The following VWA5B1 variants were observed in gnomAD, a reference collection of about 807,000 sequenced individuals.
VWA5B1 encodes von Willebrand factor A domain containing 5B1, also known as von Willebrand factor A domain-containing protein 5B1.
A neutral mutation model predicts 118.2 loss-of-function variants in VWA5B1; 115 were observed. The observed-to-expected ratio is 0.97, with a 90% CI of 0.84 to 1.14. The LOEUF is 1.14. VWA5B1 is among the 50% of genes most tolerant of loss of function. The pLI is 0.00. For missense variants in VWA5B1, 1,596 were observed against 1,603.8 expected (o/e 1.00, Z 0.08); for synonymous variants, 682 against 658.4 (o/e 1.04, Z -0.55).
intron 8 of VWA5B1, 110 bp downstream of exon 8, chr1:20,323,642 A>T: frequency 8.4e-7 from 1 of 1,186,168 alleles, no homozygotes; most frequent in Non-Finnish European, 1.1e-6. Flanking sequence ...CAACTTTTAA[A>T]AATCAGTTTA....
chr1:20,319,874 C>T (rs908986806), intron 7 of VWA5B1, among the ~76,000 whole-genome samples: 11 of 152,202 alleles, frequency 7.2e-5, no homozygotes, highest in African/African-American at 2.7e-4. Context: ...CCCTTACCCA[C>T]CAGCTGGGTA....
In VWA5B1 at chr1:20,350,887, T is replaced by C; in HGVS notation, c.2984T>C (p.Leu995Pro). The change falls in exon 20 of 22, where the codon CTT (leucine) becomes CCT (proline). Residue 995 changes from leucine to proline, a missense_variant. Transcript: ENST00000289815. ...GPQRSLATNT[L>P]SSMKASENLF... ...CAGCGCAGCCTGGCTACAAATACTC[T>C]TTCTTCCATGAAGGCCTCAGAGAAT... 6.4e-7 allele frequency: 1 copy of C among 1,551,916 alleles called. No homozygotes were observed. Among genetic ancestry groups the C allele is most frequent in the Non-Finnish European group, 8.7e-7 (1 of 1,147,022 alleles).
At chr1:20,294,181 ACTC>A (rs1247463510) in intron 1 of VWA5B1, 1 of 151,964 alleles carries the variant, frequency 6.6e-6, no homozygotes, top group Non-Finnish European at 1.5e-5. Flanking sequence ...CAGGAGAAGA[ACTC>A]CTGGATTTGA....
intron 1 of VWA5B1, among the ~76,000 whole-genome samples, chr1:20,306,747 T>G (rs1323208554): frequency 6.6e-6 from 1 of 152,108 alleles, no homozygotes; most frequent in Non-Finnish European, 1.5e-5. Context: ...ATCAGAAAAG[T>G]GTTGGTATTT....
In VWA5B1 at chr1:20,318,641, G is replaced by C. The variant is rs539557586; in HGVS notation, c.761G>C (p.Arg254Pro). 1 of 1,550,284 alleles carries C rather than the reference G, an allele frequency of 6.5e-7. No homozygotes were observed. Among genetic ancestry groups the C allele is most frequent in the Non-Finnish European group, 8.7e-7 (1 of 1,146,290 alleles). The change falls in exon 6 of 22, where the codon CGC becomes CCC. Residue 254 changes from arginine (R) to proline (P), a missense_variant. Arg to Pro is a moderately radical substitution (Grantham distance 103). Coordinates refer to ENST00000289815, the MANE Select transcript of VWA5B1 (RefSeq NM_001039500.3). ...CGTGCCGACGCCGCCCCATCTGCCCGCTCGGCCAAGAGCATCATCATCACC... is the reference window on the plus strand; with the variant it reads ...CGTGCCGACGCCGCCCCATCTGCCCCCTCGGCCAAGAGCATCATCATCACC... ...EIRADAAPSA[R>P]SAKSIIITLA...
chr1:20,292,861 G>A (rs927751603), intron 1 of VWA5B1, among the ~76,000 whole-genome samples: 1 of 152,186 alleles, frequency 6.6e-6, no homozygotes, highest in African/African-American at 2.4e-5. Flanking sequence ...CGGGTGGGTG[G>A]CCTGCAGACC....
chr1:20,305,810 G>A (rs1207975519), intron 1 of VWA5B1, among the ~76,000 whole-genome samples: 2 of 151,888 alleles, frequency 1.3e-5, no homozygotes, highest in African/African-American at 4.8e-5. Context: ...ACTGGAATGG[G>A]AGCCCAACAG....
chr1:20,354,180 G>A lies in VWA5B1; in HGVS notation c.3565G>A (p.Ala1189Thr). 1.9e-6 allele frequency: 3 copies of A among 1,551,308 alleles called. No homozygotes were observed. The highest frequency in any genetic ancestry group is 2.6e-6 in the Non-Finnish European group (3 of 1,147,002). Residue 1189 changes from alanine (A) to threonine (T), a missense_variant, in exon 22 of 22, where the codon GCC becomes ACC. By Grantham distance (58) the Ala-to-Thr change is moderately conservative (BLOSUM62 0). Coordinates refer to ENST00000289815, the MANE Select transcript of VWA5B1 (RefSeq NM_001039500.3). Reference sequence around the variant, plus strand: ...CACGCAGGGCACACTCAAGGCCGCTGCCCGCCAGCTGTTTGTGCTTCTGCG... The same window carrying A: ...CACGCAGGGCACACTCAAGGCCGCTACCCGCCAGCTGTTTGTGCTTCTGCG... ...GRTQGTLKAAARQLFVLLRHW... is the reference protein window; with the variant it reads ...GRTQGTLKAATRQLFVLLRHW...
chr1:20,319,979 G>T (rs924234152), intron 7 of VWA5B1, among the ~76,000 whole-genome samples: 7 of 152,152 alleles, frequency 4.6e-5, no homozygotes, highest in Non-Finnish European at 1.5e-5. Context: ...CTCTCCTTCT[G>T]CTGTCCCCCA....
intron 1 of VWA5B1, among the ~76,000 whole-genome samples, chr1:20,302,384 T>C (rs552213237): frequency 6.6e-6 from 1 of 152,268 alleles, no homozygotes; most frequent in East Asian, 1.9e-4. Context: ...ACACATTTCA[T>C]TCTATTTATT....
At chr1:20,318,554 G>A (rs756652853) in intron 5 of VWA5B1, 36 bp from the exon 6 acceptor site, 7 of 1,550,174 alleles carry the variant, frequency 4.5e-6, no homozygotes, top group African/African-American at 1.4e-5. Flanking sequence ...CTGACCTCAT[G>A]AGCCTATATC....
chr1:20,326,184 G>A (rs144245150), intron 8 of VWA5B1, among the ~76,000 whole-genome samples: 46 of 152,330 alleles, frequency 3.0e-4, no homozygotes, highest in Middle Eastern at 3.4e-3. Flanking sequence ...AAGAGAGATT[G>A]AGAGAATGTT....
At chr1:20,343,510 G>T in intron 16 of VWA5B1, 117 bp downstream of exon 16, 1 of 1,373,670 alleles carries the variant, frequency 7.3e-7, no homozygotes, top group Non-Finnish European at 9.3e-7. Context: ...CGCGTGGTCC[G>T]CCCACCTGCT....
In VWA5B1 at chr1:20,358,047, A is replaced by G. The variant is rs1418807063; in HGVS notation, c.*3784A>G. ...CCAGATGCCAGGATAACTGGGCCCCATCCTTTGGCAGACTTACACTGGACT... is the reference window on the plus strand; with the variant it reads ...CCAGATGCCAGGATAACTGGGCCCCGTCCTTTGGCAGACTTACACTGGACT... On this transcript the variant is annotated 3_prime_UTR_variant, in exon 22 of 22. Coordinates refer to ENST00000289815, the MANE Select transcript of VWA5B1 (RefSeq NM_001039500.3). Among the ~76,000 whole-genome samples the G allele has an allele frequency of 6.6e-6, 1 of 152,148 alleles. No homozygotes were observed. The highest frequency in any genetic ancestry group is 1.5e-5 in the Non-Finnish European group (1 of 68,034).
chr1:20,312,993 G>A lies in VWA5B1; in HGVS notation c.292+5G>A. The A allele has an allele frequency of 1.3e-6, 2 of 1,551,282 alleles. No individual in the cohort carries two copies. Among genetic ancestry groups the A allele is most frequent in the Non-Finnish European group, 8.7e-7 (1 of 1,146,794 alleles). ...TTCGATCCCCAACAGTCACAGGTAA[G>A]GAGACCAGAAGGGCTGCCGCGGGAC... On this transcript the variant is annotated splice_donor_5th_base_variant and intron_variant, in intron 3 of 21. Coordinates refer to ENST00000289815, the MANE Select transcript of VWA5B1 (RefSeq NM_001039500.3).
In VWA5B1 at chr1:20,330,849, C is replaced by T; in HGVS notation, c.1458-20C>T. On this transcript the variant is annotated intron_variant, in intron 10 of 21. Transcript: ENST00000289815. ...CAGAGAGGATAAGACATAGCAGCCT[C>T]TCTTCTCCCTTTCCGCCAGGTGCTA... 1 of 1,548,204 alleles carries T rather than the reference C, an allele frequency of 6.5e-7. No homozygotes were observed. Among genetic ancestry groups the T allele is most frequent in the Non-Finnish European group, 8.7e-7 (1 of 1,143,796 alleles).
intron 1 of VWA5B1, among the ~76,000 whole-genome samples, chr1:20,296,212 C>T (rs2088403784): frequency 6.6e-6 from 1 of 152,220 alleles, no homozygotes; most frequent in South Asian, 2.1e-4. Context: ...CATGAATAGA[C>T]TGTCCACTTA....
chr1:20,306,687 T>C (rs1245468177), intron 1 of VWA5B1, among the ~76,000 whole-genome samples: 5 of 152,182 alleles, frequency 3.3e-5, no homozygotes, highest in African/African-American at 1.2e-4. Flanking sequence ...ATATGAATAA[T>C]GTCCTGCCCA....
At chr1:20,296,947 T>C (rs925564395) in intron 1 of VWA5B1, among the ~76,000 whole-genome samples, 3 of 152,236 alleles carry the variant, frequency 2.0e-5, no homozygotes, top group African/African-American at 7.2e-5. Flanking sequence ...ACTTTTGCCT[T>C]TCAGGCCTCT....
Sources: gnomAD v4.1 joint callset for allele counts (sites outside exome capture counted in the v4.1 genomes callset) on GRCh38, gnomAD v4.1.1 for gene constraint, MANE v1.5 for transcripts, NCBI Gene and HGNC (gene_info 2026-07-23, HGNC 2026-07-21) for gene names.